PAPPA: variants seen among roughly 807,000 people sequenced by gnomAD.
PAPPA encodes pappalysin-1.
In PAPPA, 60 loss-of-function variants were observed where a neutral mutation model predicts 164.0. The ratio of observed to expected loss-of-function variants is 0.37; its 90% CI spans 0.30 to 0.45. The LOEUF (loss-of-function observed/expected upper bound fraction) is 0.45, where lower values mean the gene tolerates loss of function less well. PAPPA is among the 20% of genes least tolerant of loss of function. The pLI is 1.00. For missense variants in PAPPA, 1,782 were observed against 2,087.3 expected, an observed-to-expected ratio of 0.85 and a Z score of 2.85; for synonymous variants, 875 against 814.1, an observed-to-expected ratio of 1.07 and a Z score of -1.27.
chr9:116,169,103 A>C (rs1033421535), intron 1 of PAPPA, among the ~76,000 whole-genome samples: 4 of 152,142 alleles, frequency 2.6e-5, no homozygotes, highest in African/African-American at 9.7e-5. Flanking sequence ...GAAAGACCAA[A>C]GAGTGAAGGC....
At chr9:116,272,777 T>G (rs929311096) in intron 9 of PAPPA, among the ~76,000 whole-genome samples, 4 of 152,200 alleles carry the variant, frequency 2.6e-5, no homozygotes, top group African/African-American at 9.6e-5. Flanking sequence ...AGCCTAGTGA[T>G]GTGGTGGAAA....
chr9:116,367,237 C>T (rs1027125623), intron 18 of PAPPA, among the ~76,000 whole-genome samples: 1 of 152,186 alleles, frequency 6.6e-6, no homozygotes, highest in Admixed American at 6.5e-5. Context: ...AGATGGAAAA[C>T]CAAGTGTAGT....
At chr9:116,233,320 G>A (rs1844621294) in intron 6 of PAPPA, among the ~76,000 whole-genome samples, 1 of 152,176 alleles carries the variant, frequency 6.6e-6, no homozygotes, top group African/African-American at 2.4e-5. Context: ...ACTGTAAAGT[G>A]CTGCCTTCAA....
At chr9:116,190,068 C>G (rs373517731) in intron 2 of PAPPA, among the ~76,000 whole-genome samples, 1 of 152,148 alleles carries the variant, frequency 6.6e-6, no homozygotes, top group East Asian at 1.9e-4. Flanking sequence ...TGGGCCTTTC[C>G]AAAACTTGGC....
At chr9:116,393,218 T>C (rs1588034145) in intron 21 of PAPPA, among the ~76,000 whole-genome samples, 1 of 152,196 alleles carries the variant, frequency 6.6e-6, no homozygotes, top group African/African-American at 2.4e-5. Context: ...ATGTTTCAAG[T>C]TCCTTTCTGG....
chr9:116,266,577 T>A (rs1845070553), intron 8 of PAPPA, among the ~76,000 whole-genome samples: 1 of 152,146 alleles, frequency 6.6e-6, no homozygotes, highest in Non-Finnish European at 1.5e-5. Flanking sequence ...CTGAGGCAAA[T>A]GAAGCATCAT....
chr9:116,342,368 G>T (rs1349782622), intron 13 of PAPPA, among the ~76,000 whole-genome samples: 1 of 152,208 alleles, frequency 6.6e-6, no homozygotes, highest in Admixed American at 6.5e-5. Flanking sequence ...GAGAATTGGA[G>T]TTGTCTCAAC....
intron 20 of PAPPA, among the ~76,000 whole-genome samples, chr9:116,381,790 C>G (rs1846734947): frequency 6.6e-6 from 1 of 152,156 alleles, no homozygotes; most frequent in South Asian, 2.1e-4. Context: ...ACCTACCTCA[C>G]TTATTGTTTG....
At chr9:116,235,018 C>A in intron 6 of PAPPA, 121 bp from the exon 7 acceptor site, 1 of 1,090,420 alleles carries the variant, frequency 9.2e-7, no homozygotes. Flanking sequence ...GAACCTTCCT[C>A]TCCTTTTCCC....
intron 21 of PAPPA, among the ~76,000 whole-genome samples, chr9:116,391,828 TG>T (rs1186534257): frequency 6.6e-6 from 1 of 152,084 alleles, no homozygotes; most frequent in African/African-American, 2.4e-5. Flanking sequence ...GTTCATGCTG[TG>T]GGTGGTAGGT....
chr9:116,388,764 G>T (rs994084038), intron 21 of PAPPA, among the ~76,000 whole-genome samples: 1 of 152,202 alleles, frequency 6.6e-6, no homozygotes, highest in Non-Finnish European at 1.5e-5. Context: ...GACCTACAGA[G>T]AATAAGAAGA....
chr9:116,224,873 A>G (rs1844485940), intron 5 of PAPPA, among the ~76,000 whole-genome samples: 2 of 152,164 alleles, frequency 1.3e-5, no homozygotes, highest in African/African-American at 2.4e-5. Flanking sequence ...CTGCATGTCT[A>G]TGATTTCATT....
chr9:116,216,822 A>T (rs1844378556), intron 4 of PAPPA, among the ~76,000 whole-genome samples: 1 of 152,006 alleles, frequency 6.6e-6, no homozygotes, highest in South Asian at 2.1e-4. Flanking sequence ...GCTCACTGCA[A>T]CTTCTGCCTC....
chr9:116,259,141 A>G (rs1587976091), intron 7 of PAPPA, among the ~76,000 whole-genome samples: 2 of 151,598 alleles, frequency 1.3e-5, no homozygotes, highest in Non-Finnish European at 2.9e-5. Context: ...CTAAAAAATA[A>G]TAATAGTAAA....
intron 4 of PAPPA, 103 bp from the exon 5 acceptor site, chr9:116,219,834 G>A (rs962908384): frequency 1.8e-5 from 16 of 899,904 alleles, no homozygotes; most frequent in East Asian, 2.4e-5. Flanking sequence ...GGCAAGGAAC[G>A]ACTTGGGTGC....
intron 2 of PAPPA, among the ~76,000 whole-genome samples, chr9:116,191,858 T>G (rs1844046599): frequency 6.6e-6 from 1 of 152,086 alleles, no homozygotes; most frequent in Admixed American, 6.6e-5. Flanking sequence ...GTTTACAATG[T>G]TGTAGGCAGG....
intron 10 of PAPPA, among the ~76,000 whole-genome samples, chr9:116,320,553 C>T (rs184126932): frequency 5.4e-4 from 82 of 152,306 alleles, no homozygotes; most frequent in Non-Finnish European, 1.0e-3. Flanking sequence ...AATAAATGCT[C>T]ATATTGAAAG....
chr9:116,382,052 C>A (rs912948336), intron 20 of PAPPA, among the ~76,000 whole-genome samples: 4 of 152,120 alleles, frequency 2.6e-5, no homozygotes, highest in Non-Finnish European at 5.9e-5. Context: ...ATTTCCTGGT[C>A]ATTTCTTTGA....
chr9:116,283,037 C>T (rs941288272), intron 9 of PAPPA, among the ~76,000 whole-genome samples: 2 of 151,970 alleles, frequency 1.3e-5, no homozygotes, highest in African/African-American at 4.8e-5. Flanking sequence ...GATAAAATAG[C>T]CCAGGTCCAG....
Sources: allele counts gnomAD v4.1 joint callset (sites outside exome capture counted in the v4.1 genomes callset), GRCh38; gene constraint gnomAD v4.1.1; transcripts MANE v1.5; gene names NCBI Gene and HGNC (gene_info 2026-07-23, HGNC 2026-07-21).